LIPN: variants seen among roughly 807,000 people sequenced by gnomAD.
LIPN encodes the protein lipase member N.
A neutral mutation model predicts 43.7 loss-of-function variants in LIPN; 32 were observed. The observed-to-expected ratio is 0.73, with a 90% CI of 0.55 to 0.98. The LOEUF is 0.98. LIPN is among the 50% of genes least tolerant of loss of function. The pLI is 0.00. For synonymous variants in LIPN, 156 were observed against 157.6 expected (o/e 0.99, Z 0.08); for missense variants, 505 against 483.8 (o/e 1.04, Z -0.41).
chr10:88,775,028 A>G, intron 8 of LIPN, 64 bp from the exon 9 acceptor site: 1 of 1,127,016 alleles, frequency 8.9e-7, no homozygotes, highest in Non-Finnish European at 1.3e-6. Flanking sequence ...TTTTTCTAAA[A>G]TTTGCTGTTA....
intron 6 of LIPN, among the ~76,000 whole-genome samples, chr10:88,770,132 C>T (rs71477201): frequency 0.043 from 6,568 of 151,864 alleles, 209 homozygotes; most frequent in Non-Finnish European, 0.058. Flanking sequence ...TCTTTTCTTC[C>T]GTCAGTTTCC....
intron 4 of LIPN, among the ~76,000 whole-genome samples, chr10:88,765,594 C>T (rs191231776): frequency 6.6e-6 from 1 of 151,798 alleles, no homozygotes; most frequent in African/African-American, 2.4e-5. Context: ...TATATAGGCC[C>T]TTTTGTTCCT....
In LIPN at chr10:88,778,013, A is replaced by G. The variant is rs770226328; in HGVS notation, c.968A>G (p.His323Arg). 1.4e-5 allele frequency: 23 copies of G among 1,607,728 alleles called. No individual in the cohort carries two copies. In the African/African-American group the frequency reaches 2.9e-4, roughly 21 times the overall value. The change falls in exon 10 of 10, where the codon CAT (histidine) becomes CGT (arginine). Residue 323 changes from histidine (H) to arginine (R), a missense_variant. Transcript: ENST00000404459. The part of the protein sequence containing the change: ...ADNMKHYNQS[H>R]PPIYDLTAMK... ...CCCTTGCTTTCTCTCCCACAGAGTC[A>G]TCCCCCTATATATGACCTGACTGCC...
rs1843094378 is a variant in LIPN, at chr10:88,766,249, G to C, written c.426-20G>C. On this transcript the variant is annotated intron_variant, in intron 4 of 9. Transcript: ENST00000404459. ...CTTAAACTTGCAAGTATTTATAAAA[G>C]CCCCTGTTTTATTTTGCAGTTTTGA... 8.7e-7 allele frequency: 1 copy of C among 1,155,052 alleles called. No homozygotes were observed. The highest frequency in any genetic ancestry group is 1.3e-6 in the Non-Finnish European group (1 of 771,666). The allele number at this position is 1,155,052 out of a possible 1,614,324, so 71.6% of individuals were successfully genotyped here. A position where few individuals can be genotyped will look rare whatever the true frequency, so the allele number is the denominator to read the frequency against.
At chr10:88,774,890 A>G (rs1843270692) in intron 8 of LIPN, among the ~76,000 whole-genome samples, 1 of 151,872 alleles carries the variant, frequency 6.6e-6, no homozygotes, top group Non-Finnish European at 1.5e-5. Flanking sequence ...GTTTTCCATG[A>G]ACTTTTCCTT....
intron 9 of LIPN, among the ~76,000 whole-genome samples, chr10:88,776,525 GA>G (rs1290665995): frequency 6.6e-6 from 1 of 152,010 alleles, no homozygotes; most frequent in Non-Finnish European, 1.5e-5. Context: ...CCTATTTTGT[GA>G]ATTAATCTCA....
intron 3 of LIPN, among the ~76,000 whole-genome samples, chr10:88,763,244 C>T (rs1036300901): frequency 2.6e-5 from 4 of 151,978 alleles, no homozygotes; most frequent in Non-Finnish European, 4.4e-5. Context: ...TAAGATAATA[C>T]TAAAAAGTCA....
chr10:88,779,152 G>C lies in LIPN; in HGVS notation c.*910G>C, dbSNP rs549560208. Among the ~76,000 whole-genome samples, 2 of 152,186 alleles carry C rather than the reference G, an allele frequency of 1.3e-5. No individual in the cohort carries two copies. The highest frequency in any genetic ancestry group is 2.9e-5 in the Non-Finnish European group (2 of 68,034). ...TTTACCTAATGGAAACCTGATTGCC[G>C]CATTTTTGTAACCACCACTTTGGCT... is the stretch of plus-strand genomic sequence containing the variant. On this transcript the variant is annotated 3_prime_UTR_variant, in exon 10 of 10. Coordinates refer to ENST00000404459, the MANE Select transcript of LIPN (RefSeq NM_001102469.2).
upstream of LIPN, among the ~76,000 whole-genome samples, chr10:88,758,666 T>C (rs958028261): frequency 1.3e-5 from 2 of 151,544 alleles, no homozygotes; most frequent in Non-Finnish European, 1.5e-5. Flanking sequence ...GGAAGAGTGA[T>C]GGAGCATTGT....
Position 88,770,965 on chromosome 10 carries a change from G to A in LIPN, c.793G>A (p.Gly265Arg). The change falls in exon 7 of 10, where the codon GGA (glycine) becomes AGA (arginine). Residue 265 changes from glycine (G) to arginine (R), a missense_variant. Transcript: ENST00000404459. ...TAGCGAATTTATGTCCTTATGGGCT[G>A]GATCCAACAAGAAAAATATGAATCA... ...ICSEFMSLWAGSNKKNMNQSR... is the reference protein window; with the variant it reads ...ICSEFMSLWARSNKKNMNQSR... The A allele has an allele frequency of 6.4e-7, 1 of 1,572,064 alleles. No homozygotes were observed. Among genetic ancestry groups the A allele is most frequent in the Non-Finnish European group, 8.6e-7 (1 of 1,156,714 alleles).
chr10:88,765,548 C>T (rs1843080521), intron 4 of LIPN, among the ~76,000 whole-genome samples: 1 of 151,860 alleles, frequency 6.6e-6, no homozygotes, highest in African/African-American at 2.4e-5. Flanking sequence ...AATAAACAGG[C>T]TTCTAGCTTA....
At chr10:88,768,251 C>T (rs1288145691) in intron 5 of LIPN, among the ~76,000 whole-genome samples, 1 of 151,844 alleles carries the variant, frequency 6.6e-6, no homozygotes, top group Non-Finnish European at 1.5e-5. Flanking sequence ...GGGAAAGCCC[C>T]TTTCTTTTTG....
At chr10:88,758,095 C>T (rs1239013267), upstream of LIPN, among the ~76,000 whole-genome samples, 1 of 151,932 alleles carries the variant, frequency 6.6e-6, no homozygotes, top group East Asian at 1.9e-4. Context: ...AAGAAGCAAT[C>T]CAACAAACAA....
upstream of LIPN, among the ~76,000 whole-genome samples, chr10:88,759,029 A>G (rs1451053376): frequency 1.3e-5 from 2 of 152,154 alleles, no homozygotes; most frequent in African/African-American, 4.8e-5. Context: ...ATGCCATCAT[A>G]CTATCAATCA....
Position 88,768,787 on chromosome 10 carries a change from C to A in LIPN, c.536-5C>A. On this transcript the variant is annotated splice_polypyrimidine_tract_variant and splice_region_variant and intron_variant, in intron 5 of 9. Transcript: ENST00000404459. Reference sequence around the variant, plus strand: ...ACAAGATTGTCTTATCTCCTGTTCTCTCAGGGTTTGTAGCCTTTTCCACCA... The same window carrying A: ...ACAAGATTGTCTTATCTCCTGTTCTATCAGGGTTTGTAGCCTTTTCCACCA... 1 of 1,610,096 alleles carries A rather than the reference C, an allele frequency of 6.2e-7. No homozygotes were observed. Among genetic ancestry groups the A allele is most frequent in the Non-Finnish European group, 8.5e-7 (1 of 1,177,846 alleles).
chr10:88,776,260 G>A (rs957572676), intron 9 of LIPN, among the ~76,000 whole-genome samples: 2 of 151,912 alleles, frequency 1.3e-5, no homozygotes, highest in African/African-American at 2.4e-5. Flanking sequence ...TATCTTCAGA[G>A]AGAAGAAAGA....
intron 4 of LIPN, 117 bp from the exon 5 acceptor site, chr10:88,766,152 C>A: frequency 1.6e-6 from 1 of 639,192 alleles, no homozygotes; most frequent in Non-Finnish European, 2.8e-6. Flanking sequence ...TAATGAAATA[C>A]ACATTGAATC....
At chr10:88,768,054 A>G (rs1157697801) in intron 5 of LIPN, among the ~76,000 whole-genome samples, 9 of 135,722 alleles carry the variant, frequency 6.6e-5, no homozygotes, top group Non-Finnish European at 1.6e-5. Flanking sequence ...ACACACACAC[A>G]CACACACATG....
rs575294925 is a variant in LIPN, at chr10:88,762,447, G to T, written c.226+142G>T. 1.8e-5 allele frequency: 11 copies of T among 621,074 alleles called. No homozygotes were observed. The South Asian group carries it at 2.2e-4, about 12-fold the overall frequency. 38.5% of individuals were successfully genotyped at this position (621,074 alleles called of 1,614,324 possible). A position where few individuals can be genotyped will look rare whatever the true frequency, so the allele number is the denominator to read the frequency against. On this transcript the variant is annotated intron_variant, in intron 3 of 9. Transcript: ENST00000404459. The stretch of plus-strand genomic sequence containing the variant: ...TAGTCTTTAAATAGTTATCAGGGAG[G>T]CTCACTCTTTGCCTGATAATTCTCT...
Sources: gnomAD v4.1 joint callset for allele counts (sites outside exome capture counted in the v4.1 genomes callset) on GRCh38, gnomAD v4.1.1 for gene constraint, MANE v1.5 for transcripts, NCBI Gene and HGNC (gene_info 2026-07-23, HGNC 2026-07-21) for gene names.